NUTF2: variants seen among roughly 807,000 people sequenced by gnomAD.
NUTF2 encodes placental protein 15.
NUTF2 carries 3 observed loss-of-function variants against 18.5 expected under a neutral mutation model. The ratio of observed to expected loss-of-function variants is 0.16; its 90% CI spans 0.07 to 0.42. NUTF2 has a LOEUF of 0.42. Among genes scored for constraint, NUTF2 ranks in the 10% least tolerant of loss-of-function variants. The pLI is 0.99. For synonymous variants in NUTF2, 51 were observed against 57.9 expected (o/e 0.88, Z 0.54); for missense variants, 44 against 160.7 (o/e 0.27, Z 3.93).
At chr16:67,862,690 C>G (rs2057942673) in intron 1 of NUTF2, among the ~76,000 whole-genome samples, 1 of 152,148 alleles carries the variant, frequency 6.6e-6, no homozygotes, top group African/African-American at 2.4e-5. Flanking sequence ...CAAAAAGCAG[C>G]CAGACGTGGT....
At chr16:67,857,631 A>G (rs1240171599) in intron 1 of NUTF2, among the ~76,000 whole-genome samples, 2 of 152,166 alleles carry the variant, frequency 1.3e-5, no homozygotes, top group African/African-American at 2.4e-5. Flanking sequence ...ATTACCTCCT[A>G]ACATCCTACA....
intron 1 of NUTF2, among the ~76,000 whole-genome samples, chr16:67,864,894 G>A (rs1123072): frequency 0.087 from 13,286 of 152,144 alleles, 960 homozygotes; most frequent in Middle Eastern, 0.2. Context: ...ACTCAAAGGA[G>A]AGGCTGGGTC....
At chr16:67,865,986 G>T (rs550879910) in intron 2 of NUTF2, among the ~76,000 whole-genome samples, 1 of 152,310 alleles carries the variant, frequency 6.6e-6, no homozygotes, top group East Asian at 1.9e-4. Flanking sequence ...CCAACGTGCT[G>T]GGATTACAGG....
chr16:67,852,912 C>T (rs2151294881), intron 1 of NUTF2, among the ~76,000 whole-genome samples: 1 of 152,056 alleles, frequency 6.6e-6, no homozygotes, highest in East Asian at 1.9e-4. Context: ...CTCCCGACCT[C>T]ACTCAGGTGA....
At chr16:67,850,162 C>G (rs2057842215) in intron 1 of NUTF2, among the ~76,000 whole-genome samples, 2 of 151,840 alleles carry the variant, frequency 1.3e-5, no homozygotes, top group South Asian at 4.1e-4. Context: ...AGGAGGAATT[C>G]AGGTCCCTCC....
chr16:67,852,428 C>T (rs964909031), intron 1 of NUTF2, among the ~76,000 whole-genome samples: 4 of 151,340 alleles, frequency 2.6e-5, no homozygotes, highest in Admixed American at 6.6e-5. Flanking sequence ...GCAGTCTCGG[C>T]TCACTGCAAC....
intron 1 of NUTF2, among the ~76,000 whole-genome samples, chr16:67,850,154 G>A (rs2057842176): frequency 1.3e-5 from 2 of 151,718 alleles, no homozygotes; most frequent in African/African-American, 4.8e-5. Flanking sequence ...TCAAGAGTAG[G>A]AGGAATTCAG....
In NUTF2 at chr16:67,868,327, G is replaced by T. The variant is rs774999154; in HGVS notation, c.100-13G>T. ...TGAGGCCCCAACCCTGGGGTTTCCT[G>T]TGCCTTTTTCAGATTGACGCGTCAT... is the stretch of plus-strand genomic sequence containing the variant. On this transcript the variant is annotated splice_polypyrimidine_tract_variant and intron_variant, in intron 2 of 4. Coordinates refer to ENST00000219169, the MANE Select transcript of NUTF2 (RefSeq NM_005796.3). The T allele has an allele frequency of 1.9e-6, 3 of 1,612,754 alleles. No homozygotes were observed. The highest frequency in any genetic ancestry group is 1.1e-5 in the South Asian group (1 of 91,076).
chr16:67,847,158 C>G (rs998197975), intron 1 of NUTF2, 173 bp downstream of exon 1: 1 of 151,852 alleles, frequency 6.6e-6, no homozygotes, highest in African/African-American at 2.4e-5. Context: ...CGCCTCCCGC[C>G]GGTCCTGTGA....
rs2057804789 is a variant in NUTF2, at chr16:67,846,946, G to GGTTGCC, written c.-67_-62dup. On this transcript the variant is annotated 5_prime_UTR_variant, in exon 1 of 5. Coordinates refer to ENST00000219169, the MANE Select transcript of NUTF2 (RefSeq NM_005796.3). ...GGACAGTCGGCCGCAGACCGCGCTG[G>GGTTGCC]GTTGCCGCTGCCGCTGCCGCCATCG... 1 of 152,450 alleles carries GGTTGCC rather than the reference G, an allele frequency of 6.6e-6. No individual in the cohort carries two copies. Among genetic ancestry groups the GGTTGCC allele is most frequent in the Non-Finnish European group, 1.5e-5 (1 of 68,256 alleles). The allele number at this position is 152,450 out of a possible 1,614,324, so 9.4% of individuals were successfully genotyped here. A position where few individuals can be genotyped will look rare whatever the true frequency, so the allele number is the denominator to read the frequency against.
intron 1 of NUTF2, chr16:67,855,835 T>C (rs959392637): frequency 1.8e-4 from 65 of 356,854 alleles, no homozygotes; most frequent in South Asian, 4.6e-5. Context: ...GCTGATTTCA[T>C]AGGGGAAGAC....
At chr16:67,856,243 A>AGTGCC in intron 1 of NUTF2, 1 of 204,540 alleles carries the variant, frequency 4.9e-6, no homozygotes, top group Non-Finnish European at 1.0e-5. Context: ...CCTAGGCTGG[A>AGTGCC]GTGCCGTGGT....
At chr16:67,848,996 G>T (rs2057831211) in intron 1 of NUTF2, among the ~76,000 whole-genome samples, 1 of 152,124 alleles carries the variant, frequency 6.6e-6, no homozygotes, top group African/African-American at 2.4e-5. Flanking sequence ...GCTCTGCCTA[G>T]TTATTCTCCC....
intron 1 of NUTF2, among the ~76,000 whole-genome samples, chr16:67,853,110 TTAAA>T (rs1369894403): frequency 6.6e-6 from 1 of 152,146 alleles, no homozygotes; most frequent in East Asian, 1.9e-4. Flanking sequence ...TTAAAATAAA[TTAAA>T]TAAATAGAAA....
Position 67,870,947 on chromosome 16 carries a change from C to T in NUTF2, c.*34C>T, listed in dbSNP as rs750640707. 7.0e-7 allele frequency: 1 copy of T among 1,432,584 alleles called. No individual in the cohort carries two copies. Among genetic ancestry groups the T allele is most frequent in the Non-Finnish European group, 9.9e-7 (1 of 1,014,744 alleles). 88.7% of individuals were successfully genotyped at this position (1,432,584 alleles called of 1,614,324 possible). On this transcript the variant is annotated 3_prime_UTR_variant, in exon 5 of 5. Transcript: ENST00000219169. ...CAGCTAGGCACTCACGCTGTTTCCTCCTCCCTCCTCTTCCCAATACTATTC... is the reference window on the plus strand; with the variant it reads ...CAGCTAGGCACTCACGCTGTTTCCTTCTCCCTCCTCTTCCCAATACTATTC...
At position 67,852,418 on chromosome 16, in the gene NUTF2, G is replaced by T. The variant is rs138350806; in HGVS notation, c.-30+5433G>T. 9.0e-3 allele frequency among the ~76,000 whole-genome samples: 1,343 copies of T among 149,476 alleles called. 3 individuals are homozygous for T. Among genetic ancestry groups the T allele is most frequent in the Non-Finnish European group, 0.013 (849 of 67,610 alleles). ...CTTGCCCAGGCTCAAGTGCAGTGTC[G>T]CAGTCTCGGCTCACTGCAACCCCCG... On this transcript the variant is annotated intron_variant, in intron 1 of 4. Transcript: ENST00000219169.
At position 67,865,294 on chromosome 16, in the gene NUTF2, GTCCAGT is replaced by G; in HGVS notation, c.99+68_99+73del. 2.6e-6 allele frequency: 3 copies of G among 1,172,106 alleles called. No homozygotes were observed. In the East Asian group the frequency reaches 7.2e-5, roughly 28 times the overall value. The allele number at this position is 1,172,106 out of a possible 1,614,324, so 72.6% of individuals were successfully genotyped here. ...ATCAATTTGGATGTTGGGCCAGTGTGTCCAGTTCACAAGTTCTGGCAGCCCTATCTG... is the reference window on the plus strand; with the variant it reads ...ATCAATTTGGATGTTGGGCCAGTGTGTCACAAGTTCTGGCAGCCCTATCTG... On this transcript the variant is annotated intron_variant, in intron 2 of 4. Coordinates refer to ENST00000219169, the MANE Select transcript of NUTF2 (RefSeq NM_005796.3).
intron 1 of NUTF2, chr16:67,856,183 G>T: frequency 3.1e-6 from 1 of 326,502 alleles, no homozygotes; most frequent in South Asian, 7.9e-5. Context: ...TTGCATCTCG[G>T]CCAGTTTTTT....
intron 4 of NUTF2, among the ~76,000 whole-genome samples, chr16:67,869,247 A>T (rs1284573024): frequency 2.0e-5 from 3 of 151,562 alleles, no homozygotes; most frequent in African/African-American, 7.3e-5. Flanking sequence ...CCACACCCAG[A>T]TAATTTTTTG....
Sources: gnomAD v4.1 joint callset for allele counts (sites outside exome capture counted in the v4.1 genomes callset) on GRCh38, gnomAD v4.1.1 for gene constraint, MANE v1.5 for transcripts, NCBI Gene and HGNC (gene_info 2026-07-23, HGNC 2026-07-21) for gene names.